ARID5B: variants seen among roughly 807,000 people sequenced by gnomAD.
ARID5B encodes the protein AT-rich interactive domain-containing protein 5B.
Under a neutral mutation model 97.2 loss-of-function variants are expected in ARID5B, and 13 were observed. That is an observed-to-expected ratio of 0.13 (90% confidence interval 0.09 to 0.21). The LOEUF (loss-of-function observed/expected upper bound fraction) is 0.21. Among genes scored for constraint, ARID5B ranks in the 10% least tolerant of loss-of-function variants. The probability of loss-of-function intolerance (pLI) is 1.00; values close to 1 mark genes in which losing one functional copy is unlikely to be tolerated. For synonymous variants in ARID5B, 556 were observed against 570.3 expected (o/e 0.97, Z 0.36); for missense variants, 1,210 against 1,465.3 (o/e 0.83, Z 2.84).
At chr10:61,962,692 C>T (rs1413779188) in intron 3 of ARID5B, among the ~76,000 whole-genome samples, 1 of 152,184 alleles carries the variant, frequency 6.6e-6, no homozygotes, top group Non-Finnish European at 1.5e-5. Context: ...GTAAATGAAT[C>T]ATTAAAAGAA....
chr10:61,975,403 G>T (rs1838685096), intron 3 of ARID5B, among the ~76,000 whole-genome samples: 1 of 152,132 alleles, frequency 6.6e-6, no homozygotes, highest in Non-Finnish European at 1.5e-5. Flanking sequence ...ATAGAAAGTG[G>T]GAGTAGCTCA....
chr10:61,969,920 A>T (rs1387832672), intron 3 of ARID5B, among the ~76,000 whole-genome samples: 4 of 152,234 alleles, frequency 2.6e-5, no homozygotes, highest in Admixed American at 6.5e-5. Context: ...GGATTTAAAA[A>T]ATATAATTAC....
chr10:62,075,913 T>TA (rs35291320), intron 8 of ARID5B, among the ~76,000 whole-genome samples: 24,655 of 152,220 alleles, frequency 0.16, 2,412 homozygotes, highest in African/African-American at 0.26. Context: ...CTTTTTTATT[T>TA]ACTGCTGCCC....
intron 2 of ARID5B, among the ~76,000 whole-genome samples, chr10:61,917,791 C>T (rs532675604): frequency 6.6e-5 from 10 of 152,304 alleles, no homozygotes; most frequent in African/African-American, 2.4e-4. Context: ...AAAGCCAGGG[C>T]TCTGGAGTCT....
chr10:61,945,528 G>A (rs923429097), intron 3 of ARID5B, among the ~76,000 whole-genome samples: 1 of 152,120 alleles, frequency 6.6e-6, no homozygotes, highest in African/African-American at 2.4e-5. Context: ...TCTTTGGAAG[G>A]TATTTGTTGT....
intron 2 of ARID5B, among the ~76,000 whole-genome samples, chr10:61,926,976 A>G (rs773873214): frequency 6.6e-6 from 1 of 152,092 alleles, no homozygotes; most frequent in Non-Finnish European, 1.5e-5. Flanking sequence ...TGCCATTGAA[A>G]GTAATGGCAA....
chr10:62,063,053 T>C (rs1478913157), intron 7 of ARID5B, among the ~76,000 whole-genome samples: 1 of 152,210 alleles, frequency 6.6e-6, no homozygotes, highest in Non-Finnish European at 1.5e-5. Context: ...GGGCAATGTT[T>C]TGGGGAAAGG....
At chr10:62,081,397 A>T (rs1381906091) in intron 8 of ARID5B, among the ~76,000 whole-genome samples, 5 of 152,242 alleles carry the variant, frequency 3.3e-5, no homozygotes, top group African/African-American at 7.2e-5. Flanking sequence ...ACTGTTTGCT[A>T]AATATTTTGG....
At position 61,940,246 on chromosome 10, in the gene ARID5B, C is replaced by G. The variant is rs1374823266; in HGVS notation, c.340C>G (p.His114Asp). The G allele has an allele frequency of 6.2e-7, 1 of 1,614,066 alleles. No homozygotes were observed. The highest frequency in any genetic ancestry group is 8.5e-7 in the Non-Finnish European group (1 of 1,180,024). The change falls in exon 3 of 10, where the codon CAT becomes GAT. Residue 114 changes from histidine (H) to aspartate (D), a missense_variant. Around this residue, in one of 8 missense-constraint regions of ARID5B, gnomAD observed 82 missense variants for 79.3 expected, o/e 1.03. Coordinates refer to ENST00000279873, the MANE Select transcript of ARID5B (RefSeq NM_032199.3). ...VKLEDLVKWV[H>D]SDFSKWRCGF... is the part of the protein sequence containing the mutation. ...GCTTGAAGACCTGGTCAAGTGGGTA[C>G]ATTCTGATTTCTCCAAGTGGAGATG...
chr10:62,095,209 A>T lies in ARID5B; in HGVS notation c.*2179A>T, dbSNP rs997403280. ...TATTGCACAAGCTAGAGGGGGGAAA[A>T]ATCTCAATTCCAGCTGGCAAGATGC... is the stretch of plus-strand genomic sequence containing the variant. On this transcript the variant is annotated 3_prime_UTR_variant, in exon 10 of 10. Coordinates refer to ENST00000279873, the MANE Select transcript of ARID5B (RefSeq NM_032199.3). 1.3e-4 allele frequency: 31 copies of T among 233,336 alleles called. No individual in the cohort carries two copies. The highest frequency in any genetic ancestry group is 6.4e-4 in the African/African-American group (29 of 45,314). The allele number at this position is 233,336 out of a possible 1,614,324, so 14.5% of individuals were successfully genotyped here.
intron 2 of ARID5B, among the ~76,000 whole-genome samples, chr10:61,902,955 T>C (rs900565901): frequency 6.6e-6 from 1 of 152,076 alleles, no homozygotes; most frequent in Non-Finnish European, 1.5e-5. Context: ...TTGAATAAAG[T>C]GATAAATGAC....
At chr10:62,070,697 G>A (rs1840052153) in intron 8 of ARID5B, among the ~76,000 whole-genome samples, 1 of 152,162 alleles carries the variant, frequency 6.6e-6, no homozygotes, top group East Asian at 1.9e-4. Context: ...ATTGGGTTTA[G>A]TACACCATGA....
At chr10:62,080,151 G>T (rs1840193233) in intron 8 of ARID5B, among the ~76,000 whole-genome samples, 1 of 152,254 alleles carries the variant, frequency 6.6e-6, no homozygotes, top group South Asian at 2.1e-4. Context: ...GTGGTTTGGT[G>T]CCCCAGACTT....
chr10:61,901,980 T>A (rs1052850267), intron 1 of ARID5B, among the ~76,000 whole-genome samples, 179 bp from the exon 2 acceptor site: 1 of 151,200 alleles, frequency 6.6e-6, no homozygotes, highest in Non-Finnish European at 1.5e-5. Context: ...TGAGTTTTTT[T>A]TTTTTTTTTT....
intron 4 of ARID5B, among the ~76,000 whole-genome samples, chr10:62,027,933 T>G (rs1189975419): frequency 6.6e-6 from 1 of 152,184 alleles, no homozygotes; most frequent in African/African-American, 2.4e-5. Flanking sequence ...GCATCTCTCT[T>G]TTCCATGCCA....
chr10:62,017,117 T>G (rs1839293950), intron 4 of ARID5B, among the ~76,000 whole-genome samples: 1 of 152,212 alleles, frequency 6.6e-6, no homozygotes, highest in Admixed American at 6.5e-5. Flanking sequence ...GCCTCGTATG[T>G]GTACACAAAT....
At position 62,058,927 on chromosome 10, in the gene ARID5B, C is replaced by T. The variant is rs935547352; in HGVS notation, c.1049-316C>T. On this transcript the variant is annotated intron_variant, in intron 6 of 9. Transcript: ENST00000279873. Reference sequence around the variant, plus strand: ...CCAACCCCAGTTTTGAGAGCCCATGCTTTTTCCCAAAGACATCTAATTTAG... The same window carrying T: ...CCAACCCCAGTTTTGAGAGCCCATGTTTTTTCCCAAAGACATCTAATTTAG... Among the ~76,000 whole-genome samples the T allele has an allele frequency of 3.9e-5, 6 of 152,146 alleles. No individual in the cohort carries two copies. The East Asian group carries it at 1.2e-3, about 29-fold the overall frequency.
intron 7 of ARID5B, among the ~76,000 whole-genome samples, chr10:62,068,530 T>A (rs1156483926): frequency 6.6e-6 from 1 of 151,530 alleles, no homozygotes; most frequent in African/African-American, 2.4e-5. Flanking sequence ...TGAGGTTTTT[T>A]AATTTTTTTT....
intron 2 of ARID5B, among the ~76,000 whole-genome samples, chr10:61,905,783 T>G (rs1311015332): frequency 6.6e-6 from 1 of 152,216 alleles, no homozygotes; most frequent in Non-Finnish European, 1.5e-5. Flanking sequence ...AAAACTATCC[T>G]TATCCTGTAA....
Sources: gnomAD v4.1 joint callset for allele counts (sites outside exome capture counted in the v4.1 genomes callset) on GRCh38, gnomAD v4.1.1 for gene constraint, gnomAD v4.1.1 regional missense constraint, MANE v1.5 for transcripts, NCBI Gene and HGNC (gene_info 2026-07-23, HGNC 2026-07-21) for gene names.